The following ICA1L variants were observed in gnomAD, a reference collection of about 807,000 sequenced individuals.
ICA1L encodes the protein islet cell autoantigen 1 like.
A neutral mutation model predicts 61.3 loss-of-function variants in ICA1L; 50 were observed. The ratio of observed to expected loss-of-function variants is 0.82; its 90% CI spans 0.65 to 1.03. The LOEUF (loss-of-function observed/expected upper bound fraction) is 1.03, where lower values mean the gene tolerates loss of function less well. ICA1L is among the 50% of genes least tolerant of loss of function. ICA1L has a pLI of 0.00. For synonymous variants in ICA1L, 161 were observed against 191.3 expected (o/e 0.84, Z 1.31); for missense variants, 508 against 556.7 (o/e 0.91, Z 0.88).
rs549848720 is a variant in ICA1L at position 202,779,409 on chromosome 2, G to A, written c.*124C>T. 4.0e-5 allele frequency: 23 copies of A among 571,380 alleles called. No individual in the cohort carries two copies. Among genetic ancestry groups the A allele is most frequent in the African/African-American group, 3.8e-4 (20 of 53,274 alleles). 35.4% of individuals were successfully genotyped at this position (571,380 alleles called of 1,614,324 possible). A position where few individuals can be genotyped will look rare whatever the true frequency, so the allele number is the denominator to read the frequency against. Reference sequence around the variant, plus strand: ...CTTTACCATCTGTCTAAAGTTGGCTGACAGGTGTTATATTCACAAACACCG... The same window carrying A: ...CTTTACCATCTGTCTAAAGTTGGCTAACAGGTGTTATATTCACAAACACCG... On this transcript the variant is annotated 3_prime_UTR_variant, in exon 13 of 13. Coordinates refer to ENST00000358299, the MANE Select transcript of ICA1L (RefSeq NM_001288622.3).
chr2:202,799,000 C>G (rs1559131337), intron 9 of ICA1L, among the ~76,000 whole-genome samples: 1 of 150,332 alleles, frequency 6.7e-6, no homozygotes, highest in Non-Finnish European at 1.5e-5. Context: ...ATATATACTA[C>G]TTTTTCTTTA....
chr2:202,870,409 T>C (rs1195306160), intron 1 of ICA1L: 1 of 152,208 alleles, frequency 6.6e-6, no homozygotes, highest in Non-Finnish European at 1.5e-5. Context: ...TTTCAACGAC[T>C]AGATAAACAA....
At chr2:202,871,302 G>A (rs1037826834) in intron 1 of ICA1L, 6 of 152,190 alleles carry the variant, frequency 3.9e-5, no homozygotes, top group Non-Finnish European at 7.3e-5. Context: ...TACAGCGAGC[G>A]TGGCCGGGAG....
chr2:202,798,798 T>A (rs546341548), intron 9 of ICA1L, among the ~76,000 whole-genome samples: 17 of 152,094 alleles, frequency 1.1e-4, no homozygotes, highest in South Asian at 2.1e-4. Flanking sequence ...CTTTCCAGTC[T>A]TTTATCTATT....
intron 3 of ICA1L, among the ~76,000 whole-genome samples, chr2:202,824,094 A>G (rs767609138): frequency 6.6e-6 from 1 of 152,208 alleles, no homozygotes; most frequent in Admixed American, 6.5e-5. Flanking sequence ...CTGGGGACAC[A>G]GAAATAAAAC....
At chr2:202,825,161 A>G (rs184649147) in intron 3 of ICA1L, among the ~76,000 whole-genome samples, 2 of 152,312 alleles carry the variant, frequency 1.3e-5, no homozygotes, top group East Asian at 3.9e-4. Context: ...AGTGATGGAA[A>G]CAAATCCATT....
At chr2:202,789,978 A>G (rs1330193061) in intron 10 of ICA1L, among the ~76,000 whole-genome samples, 2 of 152,206 alleles carry the variant, frequency 1.3e-5, no homozygotes, top group African/African-American at 4.8e-5. Flanking sequence ...ATGATAAGGA[A>G]GTCCCCTCTG....
chr2:202,815,140 T>C (rs1026563293), intron 7 of ICA1L, among the ~76,000 whole-genome samples: 22 of 152,342 alleles, frequency 1.4e-4, no homozygotes, highest in Admixed American at 1.1e-3. Flanking sequence ...AGAAATTGGA[T>C]ATAAAATTTG....
In ICA1L at chr2:202,814,746, A is replaced by C; in HGVS notation, c.822T>G (p.Asn274Lys). 1 of 1,613,802 alleles carries C rather than the reference A, an allele frequency of 6.2e-7. No individual in the cohort carries two copies. Among genetic ancestry groups the C allele is most frequent in the Non-Finnish European group, 8.5e-7 (1 of 1,179,834 alleles). ...GAAAACCGCCTATTTGTTCATCTTT[A>C]TTGTCTTCACTAATCTTGCTTGGCG... is the stretch of plus-strand genomic sequence containing the variant. Reference protein sequence around the residue: ...QDTPSKISEDNKDEQIGGFLT... With the variant: ...QDTPSKISEDKKDEQIGGFLT... The change falls in exon 8 of 13, where the codon AAT (asparagine) becomes AAG (lysine). Residue 274 changes from asparagine (N) to lysine (K), a missense_variant. Coordinates refer to ENST00000358299, the MANE Select transcript of ICA1L (RefSeq NM_001288622.3).
intron 1 of ICA1L, among the ~76,000 whole-genome samples, chr2:202,851,281 G>T (rs552020099): frequency 6.6e-6 from 1 of 151,624 alleles, no homozygotes; most frequent in African/African-American, 2.4e-5. Context: ...TTGTCCTTGC[G>T]ATAGTTTGCT....
chr2:202,832,345 G>T (rs1331108043), intron 1 of ICA1L, among the ~76,000 whole-genome samples: 3 of 151,636 alleles, frequency 2.0e-5, no homozygotes, highest in African/African-American at 7.3e-5. Context: ...GATATGGGAG[G>T]CTGAGGCAGG....
chr2:202,797,903 C>T (rs775428284), intron 9 of ICA1L, among the ~76,000 whole-genome samples: 1 of 152,184 alleles, frequency 6.6e-6, no homozygotes, highest in African/African-American at 2.4e-5. Context: ...TTACTCCTCC[C>T]GGTCTAGTTG....
intron 7 of ICA1L, 26 bp from the exon 8 acceptor site, chr2:202,814,810 G>A (rs1302040041): frequency 7.0e-7 from 1 of 1,435,676 alleles, no homozygotes; most frequent in Non-Finnish European, 9.8e-7. Flanking sequence ...TCAATGTTAA[G>A]TATATAGAAT....
chr2:202,861,607 C>G (rs953522995), intron 1 of ICA1L, among the ~76,000 whole-genome samples: 1 of 151,234 alleles, frequency 6.6e-6, no homozygotes, highest in Non-Finnish European at 1.5e-5. Context: ...AAAGTGAAGG[C>G]CAGGTGCAGT....
intron 1 of ICA1L, chr2:202,840,410 G>A (rs978678166): frequency 1.2e-5 from 6 of 488,342 alleles, no homozygotes; most frequent in African/African-American, 9.8e-5. Context: ...TATGGCCCTG[G>A]TGAAGCTGGT....
Position 202,776,409 on chromosome 2 carries a change from G to C in ICA1L, c.*3124C>G, listed in dbSNP as rs1001019465. ...ATAAAAAATATCTATTTTGAGGGTT[G>C]TTCTCAGCCTACCATTGGTTAAGGA... On this transcript the variant is annotated 3_prime_UTR_variant, in exon 13 of 13. Coordinates refer to ENST00000358299, the MANE Select transcript of ICA1L (RefSeq NM_001288622.3). 2 of 151,718 alleles carry C rather than the reference G, an allele frequency of 1.3e-5. No individual in the cohort carries two copies. Among genetic ancestry groups the C allele is most frequent in the African/African-American group, 4.9e-5 (2 of 41,040 alleles). 9.4% of individuals were successfully genotyped at this position (151,718 alleles called of 1,614,324 possible). A position where few individuals can be genotyped will look rare whatever the true frequency, so the allele number is the denominator to read the frequency against.
chr2:202,829,034 A>T lies in ICA1L; in HGVS notation c.-7-18T>A. 1 of 1,515,994 alleles carries T rather than the reference A, an allele frequency of 6.6e-7. No homozygotes were observed. Among genetic ancestry groups the T allele is most frequent in the South Asian group, 1.3e-5 (1 of 74,314 alleles). The allele number at this position is 1,515,994 out of a possible 1,614,324, so 93.9% of individuals were successfully genotyped here. ...TGGAGTGACTACAATGAACAGACTA[A>T]AATTAAACTTCTTTTAAAAATTCTC... On this transcript the variant is annotated intron_variant, in intron 1 of 12. Transcript: ENST00000358299.
intron 1 of ICA1L, among the ~76,000 whole-genome samples, chr2:202,832,452 A>G (rs983806034): frequency 4.6e-5 from 7 of 151,812 alleles, no homozygotes; most frequent in Non-Finnish European, 8.8e-5. Flanking sequence ...AAAAAAAAAA[A>G]AAAGATTTCC....
intron 1 of ICA1L, among the ~76,000 whole-genome samples, chr2:202,853,160 C>T (rs986905015): frequency 1.3e-5 from 2 of 151,894 alleles, no homozygotes; most frequent in African/African-American, 2.4e-5. Context: ...AGATCGAGAC[C>T]ATCCTGGCTA....
Sources: allele counts gnomAD v4.1 joint callset (sites outside exome capture counted in the v4.1 genomes callset), GRCh38; gene constraint gnomAD v4.1.1; transcripts MANE v1.5; gene names NCBI Gene and HGNC (gene_info 2026-07-23, HGNC 2026-07-21).